The following SLC22A3 variants were observed in gnomAD, a reference collection of about 807,000 sequenced individuals.
The protein encoded by SLC22A3 is EMT organic cation transporter 3.
A neutral mutation model predicts 59.1 loss-of-function variants in SLC22A3; 51 were observed. The ratio of observed to expected loss-of-function variants is 0.86; its 90% CI spans 0.69 to 1.09. The LOEUF is 1.09. Among genes scored for constraint, SLC22A3 ranks in the 50% least tolerant of loss-of-function variants. SLC22A3 has a pLI of 0.00. For synonymous variants in SLC22A3, 325 were observed against 292.0 expected (o/e 1.11, Z -1.15); for missense variants, 711 against 726.3 (o/e 0.98, Z 0.24).
intron 5 of SLC22A3, among the ~76,000 whole-genome samples, chr6:160,421,709 A>AT (rs1274625443): frequency 6.6e-6 from 1 of 152,054 alleles, no homozygotes; most frequent in Non-Finnish European, 1.5e-5. Context: ...GTAGGCATCT[A>AT]ATTTGATTAT....
At chr6:160,397,045 A>G (rs1170716171) in intron 1 of SLC22A3, among the ~76,000 whole-genome samples, 1 of 152,156 alleles carries the variant, frequency 6.6e-6, no homozygotes, top group East Asian at 1.9e-4. Flanking sequence ...TGGACACCTG[A>G]TAGCATATAA....
chr6:160,385,390 T>C (rs767586208), intron 1 of SLC22A3, among the ~76,000 whole-genome samples: 1 of 152,176 alleles, frequency 6.6e-6, no homozygotes, highest in African/African-American at 2.4e-5. Context: ...ACTGTATTTT[T>C]TCTGGTTGGT....
chr6:160,352,831 T>C (rs1426901744), intron 1 of SLC22A3, among the ~76,000 whole-genome samples: 1 of 152,202 alleles, frequency 6.6e-6, no homozygotes, highest in Non-Finnish European at 1.5e-5. Context: ...TTTTGTTTTG[T>C]TTTGTTTTTT....
chr6:160,431,148 TA>T (rs1470989612), intron 5 of SLC22A3, among the ~76,000 whole-genome samples: 4 of 152,208 alleles, frequency 2.6e-5, no homozygotes, highest in Non-Finnish European at 5.9e-5. Flanking sequence ...AGCAATTTTT[TA>T]AAAACAATTT....
rs2076828 is a variant in SLC22A3 at position 160,451,754 on chromosome 6, C to G, written c.*698C>G. ...TGCTGTACAATCTGAGGACTTGGCTCTGTTATTTACAAAATGATGCTGTGG... is the reference window on the plus strand; with the variant it reads ...TGCTGTACAATCTGAGGACTTGGCTGTGTTATTTACAAAATGATGCTGTGG... On this transcript the variant is annotated 3_prime_UTR_variant, in exon 11 of 11. Transcript: ENST00000275300. 0.43 allele frequency: 66,100 copies of G among 152,028 alleles called. 14,784 individuals carry two copies. Among genetic ancestry groups the G allele is most frequent in the South Asian group, 0.61 (2,936 of 4,812 alleles). The allele number at this position is 152,028 out of a possible 1,614,324, so 9.4% of individuals were successfully genotyped here. A position where few individuals can be genotyped will look rare whatever the true frequency, so the allele number is the denominator to read the frequency against.
intron 2 of SLC22A3, among the ~76,000 whole-genome samples, chr6:160,398,555 A>G (rs965594118): frequency 3.3e-5 from 5 of 152,202 alleles, no homozygotes; most frequent in Non-Finnish European, 7.3e-5. Flanking sequence ...TGTGAAAAAA[A>G]TATTTTTCCA....
intron 5 of SLC22A3, among the ~76,000 whole-genome samples, chr6:160,411,507 G>A (rs1346398589): frequency 1.3e-5 from 2 of 152,178 alleles, no homozygotes; most frequent in East Asian, 1.9e-4. Flanking sequence ...GGAGGCTGAG[G>A]TGGGAGGATT....
At chr6:160,443,598 GT>G (rs1788629730) in intron 8 of SLC22A3, 31 bp from the exon 9 acceptor site, 1 of 1,411,506 alleles carries the variant, frequency 7.1e-7, no homozygotes, top group East Asian at 2.3e-5. Flanking sequence ...TGTTGAAATA[GT>G]TTTCACTTAA....
chr6:160,425,890 C>T (rs1787933258), intron 5 of SLC22A3: 3 of 985,402 alleles, frequency 3.0e-6, no homozygotes, highest in Non-Finnish European at 3.6e-6. Context: ...TGAGACATAA[C>T]ATGCTTCGCT....
intron 7 of SLC22A3, among the ~76,000 whole-genome samples, chr6:160,438,030 G>A (rs1165023966): frequency 6.6e-6 from 1 of 152,184 alleles, no homozygotes; most frequent in East Asian, 1.9e-4. Context: ...TGGCATAACT[G>A]CAGCAGTTTA....
At position 160,437,138 on chromosome 6, in the gene SLC22A3, A is replaced by T. The variant is rs1360675782; in HGVS notation, c.1215A>T (p.Gly405=). ...LLILLTIERL[G]RRLPFAASNI... Reference sequence around the variant, plus strand: ...TCTTACTAACCATTGAGCGCCTTGGACGACGCCTCCCCTTTGCGGCAAGCA... The same window carrying T: ...TCTTACTAACCATTGAGCGCCTTGGTCGACGCCTCCCCTTTGCGGCAAGCA... Residue 405 remains glycine (G), a synonymous_variant, in exon 7 of 11, where the codon GGA becomes GGT. Transcript: ENST00000275300. 3.1e-6 allele frequency: 5 copies of T among 1,614,032 alleles called. No homozygotes were observed. Among genetic ancestry groups the T allele is most frequent in the Non-Finnish European group, 4.2e-6 (5 of 1,180,006 alleles).
intron 5 of SLC22A3, among the ~76,000 whole-genome samples, chr6:160,418,799 C>T (rs1313585895): frequency 1.3e-5 from 2 of 152,210 alleles, no homozygotes; most frequent in Non-Finnish European, 2.9e-5. Flanking sequence ...TTCTAGCTAA[C>T]AAGAAGTCTC....
chr6:160,437,606 A>C (rs958045273), intron 7 of SLC22A3, among the ~76,000 whole-genome samples: 2 of 152,218 alleles, frequency 1.3e-5, no homozygotes, highest in African/African-American at 4.8e-5. Context: ...CTTGACTTCG[A>C]ATGGTTCACA....
chr6:160,368,270 G>A (rs999590588), intron 1 of SLC22A3, among the ~76,000 whole-genome samples: 1 of 152,082 alleles, frequency 6.6e-6, no homozygotes, highest in Non-Finnish European at 1.5e-5. Context: ...CTCTATCTCT[G>A]CTCCCATAGC....
chr6:160,393,933 C>T (rs1786365858), intron 1 of SLC22A3, among the ~76,000 whole-genome samples: 1 of 152,246 alleles, frequency 6.6e-6, no homozygotes, highest in Non-Finnish European at 1.5e-5. Context: ...GCTACAGTTA[C>T]TCAGGCTTTC....
chr6:160,401,337 A>T (rs1051475677), intron 2 of SLC22A3, among the ~76,000 whole-genome samples: 1 of 152,044 alleles, frequency 6.6e-6, no homozygotes, highest in African/African-American at 2.4e-5. Flanking sequence ...ATAGTAAAAG[A>T]GCAATGATAA....
At chr6:160,434,230 T>A (rs1788257575) in intron 5 of SLC22A3, among the ~76,000 whole-genome samples, 1 of 152,270 alleles carries the variant, frequency 6.6e-6, no homozygotes, top group South Asian at 2.1e-4. Flanking sequence ...TCAAATTTTT[T>A]TCATAAAACA....
At chr6:160,375,442 T>G (rs1052067317) in intron 1 of SLC22A3, among the ~76,000 whole-genome samples, 3 of 152,154 alleles carry the variant, frequency 2.0e-5, no homozygotes, top group African/African-American at 7.2e-5. Flanking sequence ...ACACATTTCC[T>G]AGCCCCCCCA....
intron 1 of SLC22A3, among the ~76,000 whole-genome samples, chr6:160,358,324 G>T (rs1479999716): frequency 6.6e-6 from 1 of 152,176 alleles, no homozygotes; most frequent in Non-Finnish European, 1.5e-5. Context: ...TTGTCCTGTT[G>T]TCTGAGATAT....
Sources: gnomAD v4.1 joint callset for allele counts (sites outside exome capture counted in the v4.1 genomes callset) on GRCh38, gnomAD v4.1.1 for gene constraint, MANE v1.5 for transcripts, NCBI Gene and HGNC (gene_info 2026-07-23, HGNC 2026-07-21) for gene names.